ATL2: variants seen among roughly 807,000 people sequenced by gnomAD.
The protein encoded by ATL2 is atlastin GTPase 2.
A neutral mutation model predicts 73.9 loss-of-function variants in ATL2; 31 were observed. The observed-to-expected ratio is 0.42, with a 90% CI of 0.32 to 0.57. ATL2 has a LOEUF of 0.57. Ranked by LOEUF, ATL2 falls within the 20% of genes least tolerant of loss-of-function variation. ATL2 has a pLI of 0.14. For synonymous variants in ATL2, 291 were observed against 237.5 expected, an observed-to-expected ratio of 1.23 and a Z score of -2.07; for missense variants, 738 against 702.6, an observed-to-expected ratio of 1.05 and a Z score of -0.57.
chr2:38,325,692 A>AC (rs1668590458), intron 2 of ATL2, among the ~76,000 whole-genome samples: 1 of 58,566 alleles, frequency 1.7e-5, no homozygotes, highest in Non-Finnish European at 2.7e-5. Context: ...ACACACACAC[A>AC]CACCAGTACA....
chr2:38,328,164 G>T (rs561225840), intron 2 of ATL2, among the ~76,000 whole-genome samples: 1 of 152,274 alleles, frequency 6.6e-6, no homozygotes, highest in South Asian at 2.1e-4. Context: ...AAGATTAAGA[G>T]TTGCATTACA....
rs776696907 is a variant in ATL2 at position 38,310,329 on chromosome 2, C to T, written c.923G>A (p.Ser308Asn). ...HPGLKVATNP[S>N]FDGRLKDIDE... ...CCCACCTTTCAATCTCCCATCAAAA[C>T]TAGGATTAGTTGCAACTTTAAGACC... The change falls in exon 8 of 13, where the codon AGT becomes AAT. Residue 308 changes from serine (S) to asparagine (N), a missense_variant. Ser to Asn is a conservative substitution (Grantham distance 46). Coordinates refer to ENST00000378954, the MANE Select transcript of ATL2 (RefSeq NM_001135673.4). The T allele has an allele frequency of 3.7e-6, 6 of 1,611,490 alleles. No individual in the cohort carries two copies. The African/African-American group carries it at 8.0e-5, about 22-fold the overall frequency.
intron 1 of ATL2, chr2:38,354,284 TCTTTATTC>T: frequency 3.4e-6 from 1 of 291,250 alleles, no homozygotes. Flanking sequence ...ATGGAAAGTC[TCTTTATTC>T]CTTCCTATTG....
intron 2 of ATL2, among the ~76,000 whole-genome samples, chr2:38,325,902 TGTTTAAAAA>T (rs1451349878): frequency 5.7e-5 from 3 of 52,816 alleles, no homozygotes; most frequent in African/African-American, 2.3e-4. Context: ...TTTGTTTGTT[TGTTTAAAAA>T]AAAAAAAAAA....
chr2:38,361,149 C>T (rs1190712236), intron 1 of ATL2, among the ~76,000 whole-genome samples: 2 of 151,660 alleles, frequency 1.3e-5, no homozygotes, highest in African/African-American at 4.8e-5. Context: ...GTCAGGAGAT[C>T]GAGACCATCC....
chr2:38,350,274 CCAGATGGGTCTTT>C (rs1366486034), intron 1 of ATL2, among the ~76,000 whole-genome samples: 1 of 152,136 alleles, frequency 6.6e-6, no homozygotes, highest in Non-Finnish European at 1.5e-5. Flanking sequence ...ACGCTAGCCC[CCAGATGGGTCTTT>C]CAAGGTCAAA....
chr2:38,321,284 A>G (rs1668307125), intron 2 of ATL2, among the ~76,000 whole-genome samples: 1 of 152,204 alleles, frequency 6.6e-6, no homozygotes, highest in Admixed American at 6.5e-5. Context: ...TCCCATCCCC[A>G]GTAGGCCACC....
intron 1 of ATL2, among the ~76,000 whole-genome samples, chr2:38,356,083 C>T (rs917972994): frequency 1.1e-4 from 17 of 151,848 alleles, no homozygotes; most frequent in Non-Finnish European, 2.4e-4. Flanking sequence ...GACAACCCTA[C>T]CCACAAGAAA....
At chr2:38,296,984 G>T (rs918678889) in intron 12 of ATL2, among the ~76,000 whole-genome samples, 4 of 152,088 alleles carry the variant, frequency 2.6e-5, no homozygotes, top group Non-Finnish European at 5.9e-5. Context: ...TTTCTTAAAA[G>T]TGAAGTTGCG....
chr2:38,352,110 CA>C (rs1257767058), intron 1 of ATL2, among the ~76,000 whole-genome samples: 6 of 21,738 alleles, frequency 2.8e-4, no homozygotes, highest in African/African-American at 3.9e-4. Flanking sequence ...AACTCTGTTT[CA>C]AAAACAAACA....
intron 1 of ATL2, among the ~76,000 whole-genome samples, chr2:38,351,701 C>G (rs999999986): frequency 6.6e-6 from 1 of 151,942 alleles, no homozygotes; most frequent in Non-Finnish European, 1.5e-5. Context: ...TCACCTTGAT[C>G]AGGCTGGTCT....
At chr2:38,331,437 G>GAA (rs34238912) in intron 2 of ATL2, among the ~76,000 whole-genome samples, 11 of 80,328 alleles carry the variant, frequency 1.4e-4, no homozygotes, top group East Asian at 4.7e-4. Flanking sequence ...TCTGTCTCAA[G>GAA]AAAAAAAAAA....
At chr2:38,328,248 A>G (rs1573494459) in intron 2 of ATL2, among the ~76,000 whole-genome samples, 1 of 152,188 alleles carries the variant, frequency 6.6e-6, no homozygotes, top group Non-Finnish European at 1.5e-5. Context: ...GAGACCTCAC[A>G]CCTCTTTATA....
chr2:38,364,423 T>G (rs1671187019), intron 1 of ATL2, among the ~76,000 whole-genome samples: 1 of 151,996 alleles, frequency 6.6e-6, no homozygotes, highest in Non-Finnish European at 1.5e-5. Flanking sequence ...AATGCGCAAA[T>G]CAGATATAAG....
chr2:38,307,155 C>T (rs1277369327), intron 9 of ATL2, among the ~76,000 whole-genome samples: 11 of 152,042 alleles, frequency 7.2e-5, no homozygotes, highest in South Asian at 2.1e-4. Context: ...ATCAGGAGTT[C>T]GAGACCAGCC....
chr2:38,312,103 T>C (rs999080960), intron 7 of ATL2, among the ~76,000 whole-genome samples: 5 of 152,194 alleles, frequency 3.3e-5, no homozygotes, highest in African/African-American at 1.2e-4. Context: ...ATCTTATCAA[T>C]GAAAGACAGC....
At chr2:38,305,671 G>T (rs1463260937) in intron 9 of ATL2, among the ~76,000 whole-genome samples, 2 of 151,908 alleles carry the variant, frequency 1.3e-5, no homozygotes, top group Admixed American at 6.6e-5. Flanking sequence ...AATACAATAG[G>T]CTCTTGAATG....
intron 9 of ATL2, among the ~76,000 whole-genome samples, chr2:38,301,902 A>G (rs914561283): frequency 2.6e-5 from 4 of 152,210 alleles, no homozygotes; most frequent in Non-Finnish European, 4.4e-5. Context: ...CAGGCAGTGT[A>G]GTTCACAGCT....
chr2:38,354,664 A>G (rs1199928181), intron 1 of ATL2, among the ~76,000 whole-genome samples: 1 of 152,132 alleles, frequency 6.6e-6, no homozygotes, highest in Non-Finnish European at 1.5e-5. Flanking sequence ...CCAAGGCAGG[A>G]GAATCACCTG....
Sources: allele counts gnomAD v4.1 joint callset (sites outside exome capture counted in the v4.1 genomes callset), GRCh38; gene constraint gnomAD v4.1.1; transcripts MANE v1.5; gene names NCBI Gene and HGNC (gene_info 2026-07-23, HGNC 2026-07-21).